USP14: variants seen among roughly 807,000 people sequenced by gnomAD.
The protein encoded by USP14 is ubiquitin carboxyl-terminal hydrolase 14.
A neutral mutation model predicts 76.5 loss-of-function variants in USP14; 38 were observed. The observed-to-expected ratio is 0.50, with a 90% CI of 0.38 to 0.65. The LOEUF is 0.65. USP14 is among the 30% of genes least tolerant of loss of function. The probability of loss-of-function intolerance (pLI) is 0.00; values close to 1 mark genes in which losing one functional copy is unlikely to be tolerated. For missense variants in USP14, 467 were observed against 586.5 expected (o/e 0.80, Z 2.10); for synonymous variants, 192 against 191.7 (o/e 1.00, Z -0.01).
intron 7 of USP14, 36 bp from the exon 8 acceptor site, chr18:197,580 C>G: frequency 1.3e-6 from 2 of 1,530,350 alleles, no homozygotes; most frequent in Non-Finnish European, 9.0e-7. Context: ...TCATTCACTG[C>G]CAGGATTACT....
At chr18:197,064 C>A (rs1419227419) in intron 7 of USP14, among the ~76,000 whole-genome samples, 1 of 152,184 alleles carries the variant, frequency 6.6e-6, no homozygotes, top group East Asian at 1.9e-4. Flanking sequence ...ATCCTCTAGC[C>A]CCTGGCTTTC....
At position 213,237 on chromosome 18, in the gene USP14, T is replaced by C. The variant is rs1468499600; in HGVS notation, c.*1953T>C. 6.6e-6 allele frequency: 1 copy of C among 152,230 alleles called. No individual in the cohort carries two copies. The highest frequency in any genetic ancestry group is 1.5e-5 in the Non-Finnish European group (1 of 68,044). 9.4% of individuals were successfully genotyped at this position (152,230 alleles called of 1,614,324 possible). A position where few individuals can be genotyped will look rare whatever the true frequency, so the allele number is the denominator to read the frequency against. On this transcript the variant is annotated 3_prime_UTR_variant, in exon 16 of 16. Transcript: ENST00000261601. ...ACAATTAGAATTTAGATTTTCTGACTGTAGCTACTAAATGTTGTAGCTACT... is the reference window on the plus strand; with the variant it reads ...ACAATTAGAATTTAGATTTTCTGACCGTAGCTACTAAATGTTGTAGCTACT...
At position 196,827 on chromosome 18, in the gene USP14, C is replaced by T. The variant is rs960578042; in HGVS notation, c.594+60C>T. The T allele has an allele frequency of 6.3e-6, 10 of 1,588,482 alleles. No individual in the cohort carries two copies. In the Admixed American group the frequency reaches 1.2e-4, roughly 19 times the overall value. Reference sequence around the variant, plus strand: ...GTAAAACTTAGGTTTCCTACATTTACCGTACTTACTGGAACATAGTTCGAA... The same window carrying T: ...GTAAAACTTAGGTTTCCTACATTTATCGTACTTACTGGAACATAGTTCGAA... On this transcript the variant is annotated intron_variant, in intron 7 of 15. Transcript: ENST00000261601.
chr18:166,888 A>G, intron 3 of USP14, 69 bp downstream of exon 3: 2 of 1,464,926 alleles, frequency 1.4e-6, no homozygotes, highest in Non-Finnish European at 1.9e-6. Context: ...TACATTCCAG[A>G]TGACTTTTTT....
intron 3 of USP14, among the ~76,000 whole-genome samples, chr18:175,176 ATTTCT>A (rs1909593864): frequency 6.6e-6 from 1 of 152,164 alleles, no homozygotes; most frequent in South Asian, 2.1e-4. Flanking sequence ...TCATATATTA[ATTTCT>A]TAGGATATTG....
chr18:194,027 C>T (rs1910163374), intron 6 of USP14, among the ~76,000 whole-genome samples: 1 of 152,096 alleles, frequency 6.6e-6, no homozygotes, highest in Admixed American at 6.6e-5. Flanking sequence ...AAAGGAGTCC[C>T]ACCGTTTTAC....
At chr18:169,713 C>T (rs1048257884) in intron 3 of USP14, among the ~76,000 whole-genome samples, 15 of 152,078 alleles carry the variant, frequency 9.9e-5, no homozygotes, top group African/African-American at 3.4e-4. Flanking sequence ...CACCTTGCAT[C>T]GAGCAAGTTT....
intron 5 of USP14, among the ~76,000 whole-genome samples, chr18:190,739 T>C (rs1391121667): frequency 1.3e-5 from 2 of 152,194 alleles, no homozygotes; most frequent in African/African-American, 4.8e-5. Flanking sequence ...CATTACTTTT[T>C]ATTTATTGAC....
intron 3 of USP14, among the ~76,000 whole-genome samples, chr18:168,154 G>A (rs1451455915): frequency 2.0e-5 from 3 of 151,964 alleles, no homozygotes; most frequent in African/African-American, 4.8e-5. Flanking sequence ...TCGAACTCCC[G>A]ACCTCAGGTG....
intron 3 of USP14, among the ~76,000 whole-genome samples, chr18:167,663 G>A (rs920672103): frequency 1.7e-4 from 26 of 151,994 alleles, no homozygotes; most frequent in African/African-American, 6.0e-4. Context: ...GTGTTACCAT[G>A]CCCAGTTAAT....
At chr18:173,251 G>T (rs1379936878) in intron 3 of USP14, among the ~76,000 whole-genome samples, 1 of 151,692 alleles carries the variant, frequency 6.6e-6, no homozygotes, top group Non-Finnish European at 1.5e-5. Context: ...GGGACTACAG[G>T]TGCCTGCCAC....
intron 13 of USP14, 109 bp downstream of exon 13, chr18:204,801 T>A: frequency 1.5e-5 from 18 of 1,215,010 alleles, no homozygotes; most frequent in African/African-American, 2.0e-5. Flanking sequence ...AGAACTATAC[T>A]TTGTATAGTA....
chr18:171,025 A>AAAAAAATATATATAAATATATATATAT (rs1327304974), intron 3 of USP14, among the ~76,000 whole-genome samples: 1 of 47,684 alleles, frequency 2.1e-5, no homozygotes, highest in Non-Finnish European at 3.7e-5. Context: ...AAAAAAAAAA[A>AAAAAAATATATATAAATATATATATAT]ATATATATAT....
At chr18:169,157 A>G (rs1164841838) in intron 3 of USP14, among the ~76,000 whole-genome samples, 1 of 151,292 alleles carries the variant, frequency 6.6e-6, no homozygotes, top group Non-Finnish European at 1.5e-5. Context: ...TTGGGAGGCC[A>G]AGGATGGTGG....
chr18:193,454 A>G (rs2143055131), intron 6 of USP14, among the ~76,000 whole-genome samples: 1 of 152,236 alleles, frequency 6.6e-6, no homozygotes, highest in Middle Eastern at 3.4e-3. Flanking sequence ...TATAGTGTAC[A>G]TATCATAAAA....
chr18:180,728 T>G (rs1330212713), intron 5 of USP14, among the ~76,000 whole-genome samples: 1 of 152,228 alleles, frequency 6.6e-6, no homozygotes, highest in Admixed American at 6.5e-5. Flanking sequence ...TTCCCATGGT[T>G]CATTCAGGTT....
chr18:209,393 T>A (rs1348185642), intron 13 of USP14, among the ~76,000 whole-genome samples: 1 of 152,226 alleles, frequency 6.6e-6, no homozygotes, highest in Non-Finnish European at 1.5e-5. Context: ...CTAGATAAGT[T>A]ATTTTTCTCA....
chr18:192,737 CT>C (rs1910124470), intron 5 of USP14, 104 bp from the exon 6 acceptor site: 1 of 971,312 alleles, frequency 1.0e-6, no homozygotes, highest in Admixed American at 2.3e-5. Context: ...CTCTGAGAAA[CT>C]TGCAGTTGAG....
At chr18:196,591 A>G (rs747405347) in intron 6 of USP14, 46 bp from the exon 7 acceptor site, 24 of 1,570,934 alleles carry the variant, frequency 1.5e-5, no homozygotes, top group Non-Finnish European at 2.0e-5. Flanking sequence ...CGCGTGTATT[A>G]AATATGTGAC....
Sources: allele counts gnomAD v4.1 joint callset (sites outside exome capture counted in the v4.1 genomes callset), GRCh38; gene constraint gnomAD v4.1.1; transcripts MANE v1.5; gene names NCBI Gene and HGNC (gene_info 2026-07-23, HGNC 2026-07-21).